The following NEMP2 variants were observed in gnomAD, a reference collection of about 807,000 sequenced individuals.
NEMP2 encodes the protein nuclear envelope integral membrane protein 2, also known as UPF0571 transmembrane protein.
In NEMP2, 53 loss-of-function variants were observed where a neutral mutation model predicts 54.2. The ratio of observed to expected loss-of-function variants is 0.98; its 90% CI spans 0.78 to 1.23. The LOEUF (loss-of-function observed/expected upper bound fraction) is 1.23, where lower values mean the gene tolerates loss of function less well. Ranked by LOEUF, NEMP2 falls within the 50% of genes most tolerant of loss-of-function variation. The pLI, the probability that NEMP2 is intolerant of heterozygous loss-of-function variation, is 0.00. For synonymous variants in NEMP2, 197 were observed against 190.3 expected, an observed-to-expected ratio of 1.04 and a Z score of -0.29; for missense variants, 455 against 511.3, an observed-to-expected ratio of 0.89 and a Z score of 1.06.
the NEMP2 span, among the ~76,000 whole-genome samples, chr2:190,449,898 A>G: frequency 2.6e-5 from 4 of 152,170 alleles, no homozygotes; most frequent in African/African-American, 7.2e-5. Flanking sequence ...TAGCTTTAGG[A>G]GATATACCTA....
At chr2:190,536,342 T>G (rs987378054), upstream of NEMP2, among the ~76,000 whole-genome samples, 1 of 152,134 alleles carries the variant, frequency 6.6e-6, no homozygotes, top group Admixed American at 6.5e-5. Flanking sequence ...GGAGAAGAGA[T>G]AGAAGCACAA....
the NEMP2 span, among the ~76,000 whole-genome samples, chr2:190,460,762 C>T: frequency 5.3e-5 from 8 of 152,164 alleles, no homozygotes; most frequent in Non-Finnish European, 1.2e-4. Context: ...GACACAGAGA[C>T]AGGTGGGGAT....
At chr2:190,452,049 A>T in the NEMP2 span, among the ~76,000 whole-genome samples, 1 of 151,516 alleles carries the variant, frequency 6.6e-6, no homozygotes, top group Non-Finnish European at 1.5e-5. Context: ...TGATTTAGTG[A>T]TTTCTACCAA....
the NEMP2 span, among the ~76,000 whole-genome samples, chr2:190,468,587 G>A: frequency 4.0e-4 from 60 of 151,324 alleles, no homozygotes; most frequent in African/African-American, 1.4e-3. Flanking sequence ...CAAGTAGCTG[G>A]GACTATAGGT....
At position 190,533,625 on chromosome 2, in the gene NEMP2, A is replaced by C. The variant is rs1691237874; in HGVS notation, c.97+934T>G. Among the ~76,000 whole-genome samples, 1 of 152,136 alleles carries C rather than the reference A, an allele frequency of 6.6e-6. No homozygotes were observed. Among genetic ancestry groups the C allele is most frequent in the African/African-American group, 2.4e-5 (1 of 41,420 alleles). On this transcript the variant is annotated intron_variant, in intron 1 of 8. Transcript: ENST00000409150. This position sits in a 1 kb window ranked among gnomAD's most constrained non-coding sequence, Gnocchi z 4.3. ...CATCCAGTCTCTCATTCATCCTTAG[A>C]TAAAAAACCGCGGTATAACCGGAGG...
In NEMP2 at chr2:190,505,400, GGTGCCTCATATA is replaced by G. The variant is rs1690163905; in HGVS notation, c.*3777_*3788del. On this transcript the variant is annotated 3_prime_UTR_variant, in exon 9 of 9. Coordinates refer to ENST00000409150, the MANE Select transcript of NEMP2 (RefSeq NM_001142645.2). This position sits in a 1 kb window ranked among gnomAD's most constrained non-coding sequence, Gnocchi z 5.8. Reference sequence around the variant, plus strand: ...GAGGTGCAAATTAAGAGGTATCGAAGGTGCCTCATATAGTGCCTGATGGATCTCTAGTCAATG... The same window carrying G: ...GAGGTGCAAATTAAGAGGTATCGAAGGTGCCTGATGGATCTCTAGTCAATG... 1 of 152,044 alleles carries G rather than the reference GGTGCCTCATATA, an allele frequency of 6.6e-6. No homozygotes were observed. Among genetic ancestry groups the G allele is most frequent in the Non-Finnish European group, 1.5e-5 (1 of 68,014 alleles). 9.4% of individuals were successfully genotyped at this position (152,044 alleles called of 1,614,324 possible).
the NEMP2 span, among the ~76,000 whole-genome samples, chr2:190,452,757 C>G: frequency 6.6e-6 from 1 of 152,112 alleles, no homozygotes; most frequent in African/African-American, 2.4e-5. Flanking sequence ...TGTAAAGTGC[C>G]CCCACGTCCC....
At chr2:190,481,816 C>T in the NEMP2 span, among the ~76,000 whole-genome samples, 1 of 152,188 alleles carries the variant, frequency 6.6e-6, no homozygotes, top group Non-Finnish European at 1.5e-5. Context: ...TTTCGTGCAG[C>T]ACACAGAAGA....
At chr2:190,437,996 A>G in the NEMP2 span, among the ~76,000 whole-genome samples, 7 of 151,758 alleles carry the variant, frequency 4.6e-5, no homozygotes, top group African/African-American at 1.7e-4. The surrounding 1 kb of genome is among the most constrained non-coding windows in gnomAD (Gnocchi z 5.9). Flanking sequence ...TGACATAGAT[A>G]GAGCCTGAAT....
chr2:190,435,270 G>T, the NEMP2 span: 135,612 of 152,266 alleles, frequency 0.89, 60,750 homozygotes, highest in East Asian at 1. Context: ...CTATTGTGAT[G>T]AATATGAATG....
the NEMP2 span, among the ~76,000 whole-genome samples, chr2:190,434,181 T>TC: frequency 1.7e-5 from 1 of 58,718 alleles, no homozygotes; most frequent in Non-Finnish European, 3.7e-5. The surrounding 1 kb of genome is among the most constrained non-coding windows in gnomAD (Gnocchi z 4.3). Flanking sequence ...ACCCTGTCTC[T>TC]CAAAAAAAAA....
the NEMP2 span, among the ~76,000 whole-genome samples, chr2:190,483,958 A>C: frequency 3.3e-5 from 5 of 152,004 alleles, no homozygotes; most frequent in Non-Finnish European, 7.4e-5. Context: ...GGTAGTGTGG[A>C]TATATCTCTT....
At chr2:190,444,032 G>A in the NEMP2 span, among the ~76,000 whole-genome samples, 2 of 152,190 alleles carry the variant, frequency 1.3e-5, no homozygotes, top group Non-Finnish European at 2.9e-5. Context: ...TCCAGCCTGG[G>A]TGACAGAGCA....
Position 190,508,929 on chromosome 2 carries a change from T to C in NEMP2, c.*260A>G. The stretch of plus-strand genomic sequence containing the variant: ...AACAACGCCATTCCCCTGTTCCTAA[T>C]GAAAGCCTTCATTCAAGGTAAGTGG... On this transcript the variant is annotated 3_prime_UTR_variant, in exon 9 of 9. Transcript: ENST00000409150. The surrounding 1 kb of genome is among the most constrained non-coding windows in gnomAD (Gnocchi z 4.3). The C allele has an allele frequency of 2.1e-6, 1 of 468,286 alleles. No homozygotes were observed. The highest frequency in any genetic ancestry group is 3.8e-6 in the Non-Finnish European group (1 of 261,436). 29.0% of individuals were successfully genotyped at this position (468,286 alleles called of 1,614,324 possible).
the NEMP2 span, among the ~76,000 whole-genome samples, chr2:190,555,407 G>A: frequency 6.6e-6 from 1 of 151,976 alleles, no homozygotes; most frequent in East Asian, 1.9e-4. This position sits in a 1 kb window ranked among gnomAD's most constrained non-coding sequence, Gnocchi z 4.8. Context: ...CCAATGCAAG[G>A]AAGCGAATAG....
chr2:190,609,892 A>G, the NEMP2 span: 2 of 152,184 alleles, frequency 1.3e-5, no homozygotes, highest in African/African-American at 4.8e-5. This position sits in a 1 kb window ranked among gnomAD's most constrained non-coding sequence, Gnocchi z 4.7. Context: ...CTAGAATAGT[A>G]TGCAACAGCA....
chr2:190,499,037 AC>A, the NEMP2 span, among the ~76,000 whole-genome samples: 2 of 152,174 alleles, frequency 1.3e-5, no homozygotes, highest in South Asian at 4.1e-4. The surrounding 1 kb of genome is among the most constrained non-coding windows in gnomAD (Gnocchi z 6.0). Flanking sequence ...AATCCCAGCT[AC>A]TATGGAAGGC....
At chr2:190,444,948 A>G in the NEMP2 span, 1 of 649,720 alleles carries the variant, frequency 1.5e-6, no homozygotes, top group Non-Finnish European at 1.9e-6. Context: ...TAACTGTAGC[A>G]TACTGGGTAA....
the NEMP2 span, among the ~76,000 whole-genome samples, chr2:190,441,105 CCTT>C: frequency 1.3e-5 from 2 of 152,086 alleles, no homozygotes; most frequent in African/African-American, 4.8e-5. Flanking sequence ...TTTTTTTTCT[CCTT>C]CTTCTCATCA....
Sources: allele counts gnomAD v4.1 joint callset (sites outside exome capture counted in the v4.1 genomes callset), GRCh38; gene constraint gnomAD v4.1.1; non-coding constraint Gnocchi (gnomAD v3.1); transcripts MANE v1.5; gene names NCBI Gene and HGNC (gene_info 2026-07-23, HGNC 2026-07-21).